The following STK38L variants were observed in gnomAD, a reference collection of about 807,000 sequenced individuals.
The protein encoded by STK38L is serine/threonine-protein kinase 38-like.
A neutral mutation model predicts 59.7 loss-of-function variants in STK38L; 28 were observed. The ratio of observed to expected loss-of-function variants is 0.47; its 90% CI spans 0.35 to 0.64. STK38L has a LOEUF of 0.64. Among genes scored for constraint, STK38L ranks in the 30% least tolerant of loss-of-function variants. The pLI, the probability that STK38L is intolerant of heterozygous loss-of-function variation, is 0.01. For missense variants in STK38L, 314 were observed against 555.8 expected (o/e 0.56, Z 4.37); for synonymous variants, 162 against 176.8 (o/e 0.92, Z 0.66).
At chr12:27,316,680 G>C (rs1944592786) in intron 9 of STK38L, among the ~76,000 whole-genome samples, 1 of 152,160 alleles carries the variant, frequency 6.6e-6, no homozygotes, top group Non-Finnish European at 1.5e-5. Flanking sequence ...ATTTTTGTAA[G>C]ATTTTATATG....
intron 3 of STK38L, among the ~76,000 whole-genome samples, chr12:27,305,508 GCT>G (rs71039806): frequency 0.042 from 6,420 of 152,234 alleles, 168 homozygotes; most frequent in Non-Finnish European, 0.061. Flanking sequence ...AAATAGACAA[GCT>G]CTCTCAACCT....
chr12:27,277,047 T>G lies in STK38L; in HGVS notation c.-11-20663T>G, dbSNP rs577594648. Reference sequence around the variant, plus strand: ...CTTCACAACTCTTGAAGTATTTACTTCACTTCTAAATATGTATAACCCACC... The same window carrying G: ...CTTCACAACTCTTGAAGTATTTACTGCACTTCTAAATATGTATAACCCACC... On this transcript the variant is annotated intron_variant, in intron 1 of 13. Transcript: ENST00000389032. Among the ~76,000 whole-genome samples, 4 of 152,358 alleles carry G rather than the reference T, an allele frequency of 2.6e-5. 1 individual carries two copies. The highest frequency in any genetic ancestry group is 5.9e-5 in the Non-Finnish European group (4 of 68,030).
At chr12:27,310,490 A>G (rs1015872630) in intron 5 of STK38L, among the ~76,000 whole-genome samples, 1 of 152,174 alleles carries the variant, frequency 6.6e-6, no homozygotes, top group African/African-American at 2.4e-5. Context: ...TGTAGTGTAG[A>G]TACCAGCCAG....
At chr12:27,299,784 T>C (rs1944118748) in intron 2 of STK38L, among the ~76,000 whole-genome samples, 1 of 150,256 alleles carries the variant, frequency 6.7e-6, no homozygotes, top group African/African-American at 2.5e-5. Flanking sequence ...AGGAAAAAAT[T>C]GGAATGAGAA....
intron 1 of STK38L, among the ~76,000 whole-genome samples, chr12:27,264,041 G>A (rs1476526846): frequency 2.0e-5 from 3 of 152,244 alleles, no homozygotes; most frequent in African/African-American, 7.2e-5. Context: ...ATTATGGTAT[G>A]TCTTCTCGTT....
At chr12:27,287,767 C>T (rs1311264459) in intron 1 of STK38L, among the ~76,000 whole-genome samples, 1 of 151,920 alleles carries the variant, frequency 6.6e-6, no homozygotes, top group African/African-American at 2.4e-5. Context: ...GATTTTTTCC[C>T]CTAAATGGAT....
intron 12 of STK38L, among the ~76,000 whole-genome samples, chr12:27,321,725 G>A (rs1944733081): frequency 1.3e-5 from 2 of 152,082 alleles, no homozygotes; most frequent in Non-Finnish European, 2.9e-5. Context: ...TTACTTGATA[G>A]CACAAGAGGG....
intron 3 of STK38L, among the ~76,000 whole-genome samples, chr12:27,306,983 C>T (rs1236191916): frequency 6.6e-6 from 1 of 152,158 alleles, no homozygotes; most frequent in South Asian, 2.1e-4. Flanking sequence ...TCCACCTCGG[C>T]CTCCCAAAGT....
chr12:27,302,702 C>T (rs536377487), intron 3 of STK38L, among the ~76,000 whole-genome samples: 2 of 152,190 alleles, frequency 1.3e-5, no homozygotes, highest in South Asian at 2.1e-4. Context: ...TCCCTTATCT[C>T]GGGATATGGG....
intron 1 of STK38L, among the ~76,000 whole-genome samples, chr12:27,260,506 T>C (rs1943182602): frequency 6.6e-6 from 1 of 152,172 alleles, no homozygotes; most frequent in Non-Finnish European, 1.5e-5. Context: ...TACACGTTCT[T>C]GCCCCTGTCA....
rs1352134960 is a variant in STK38L, at chr12:27,325,629, C to T, written c.*3174C>T. The T allele has an allele frequency of 3.9e-5, 6 of 152,082 alleles. No individual in the cohort carries two copies. Among genetic ancestry groups the T allele is most frequent in the African/African-American group, 1.2e-4 (5 of 41,418 alleles). The allele number at this position is 152,082 out of a possible 1,614,324, so 9.4% of individuals were successfully genotyped here. A position where few individuals can be genotyped will look rare whatever the true frequency, so the allele number is the denominator to read the frequency against. On this transcript the variant is annotated 3_prime_UTR_variant, in exon 14 of 14. Transcript: ENST00000389032. ...TTCCTGTTGTGTTTATTTAAATTTACTTTCTCTTTAGAAGTGCACTTATTT... is the reference window on the plus strand; with the variant it reads ...TTCCTGTTGTGTTTATTTAAATTTATTTTCTCTTTAGAAGTGCACTTATTT...
Position 27,320,442 on chromosome 12 carries a change from A to ATTTTT in STK38L, c.1175+1037_1175+1041dup, listed in dbSNP as rs34281958. On this transcript the variant is annotated intron_variant, in intron 12 of 13. Transcript: ENST00000389032. ...CCACCACACCCAGCTAATTTTGTTG[A>ATTTTT]TTTTTTTTTTTTTTTTTTTTTTGTA... 3.9e-3 allele frequency among the ~76,000 whole-genome samples: 362 copies of ATTTTT among 91,868 alleles called. 2 individuals are homozygous for ATTTTT. Among genetic ancestry groups the ATTTTT allele is most frequent in the East Asian group, 0.028 (85 of 3,006 alleles). 60.3% of individuals were successfully genotyped at this position (91,868 alleles called of 152,430 possible).
chr12:27,251,354 A>T (rs1207356187), intron 1 of STK38L, among the ~76,000 whole-genome samples: 1 of 152,208 alleles, frequency 6.6e-6, no homozygotes, highest in Admixed American at 6.5e-5. Context: ...GCGTTTTTAC[A>T]CATTTCCTTA....
intron 1 of STK38L, among the ~76,000 whole-genome samples, chr12:27,289,617 G>T (rs1943852473): frequency 2.0e-5 from 3 of 152,254 alleles, no homozygotes; most frequent in African/African-American, 7.2e-5. Flanking sequence ...TTTATGAAAT[G>T]CATTCCTCTG....
In STK38L at chr12:27,244,581, G is replaced by A. The variant is rs919776424; in HGVS notation, c.-12+249G>A. ...ACCCGGGGAGGAATCTTTGTCCTCTGCTCCTTTCTCCTTCCACTCCCCGGC... is the reference window on the plus strand; with the variant it reads ...ACCCGGGGAGGAATCTTTGTCCTCTACTCCTTTCTCCTTCCACTCCCCGGC... On this transcript the variant is annotated intron_variant, in intron 1 of 13. Coordinates refer to ENST00000389032, the MANE Select transcript of STK38L (RefSeq NM_015000.4). Among the ~76,000 whole-genome samples the A allele has an allele frequency of 3.3e-5, 5 of 152,174 alleles. No individual in the cohort carries two copies. In the South Asian group the frequency reaches 1.0e-3, roughly 31 times the overall value.
At chr12:27,313,248 CAAAAA>C (rs748176392) in intron 6 of STK38L, among the ~76,000 whole-genome samples, 1 of 105,826 alleles carries the variant, frequency 9.4e-6, no homozygotes, top group Non-Finnish European at 2.1e-5. Flanking sequence ...GACTACGTCT[CAAAAA>C]AAAAAAAAAA....
chr12:27,314,919 A>G (rs766310820), intron 7 of STK38L, 96 bp from the exon 8 acceptor site: 6 of 1,012,738 alleles, frequency 5.9e-6, no homozygotes, highest in Non-Finnish European at 8.5e-6. Context: ...CCAAGCTAAG[A>G]ATTTTTATTA....
intron 9 of STK38L, 60 bp from the exon 10 acceptor site, chr12:27,317,276 C>G (rs1944609063): frequency 8.1e-7 from 1 of 1,239,652 alleles, no homozygotes; most frequent in Admixed American, 2.1e-5. Flanking sequence ...AGTAAGCCAT[C>G]CTCAGATAGA....
At chr12:27,253,999 C>T (rs1943033329) in intron 1 of STK38L, among the ~76,000 whole-genome samples, 1 of 152,192 alleles carries the variant, frequency 6.6e-6, no homozygotes, top group South Asian at 2.1e-4. Flanking sequence ...GATAAATTGT[C>T]TCTTGCTTCC....
Sources: gnomAD v4.1 joint callset for allele counts (sites outside exome capture counted in the v4.1 genomes callset) on GRCh38, gnomAD v4.1.1 for gene constraint, MANE v1.5 for transcripts, NCBI Gene and HGNC (gene_info 2026-07-23, HGNC 2026-07-21) for gene names.